The following DRC7 variants were observed in gnomAD, a reference collection of about 807,000 sequenced individuals.
The protein encoded by DRC7 is coiled-coil domain containing 135.
Under a neutral mutation model 104.4 loss-of-function variants are expected in DRC7, and 80 were observed. The observed-to-expected ratio is 0.77, with a 90% CI of 0.64 to 0.92. The LOEUF (loss-of-function observed/expected upper bound fraction) is 0.92. DRC7 is among the 40% of genes least tolerant of loss of function. The probability of loss-of-function intolerance (pLI) is 0.00; values close to 1 mark genes in which losing one functional copy is unlikely to be tolerated. For missense variants in DRC7, 1,034 were observed against 1,141.1 expected (o/e 0.91, Z 1.35); for synonymous variants, 405 against 447.3 (o/e 0.91, Z 1.19).
Position 57,724,757 on chromosome 16 carries a change from C to CT in DRC7, c.1681dup (p.Tyr561LeufsTer64), listed in dbSNP as rs762435252. The CT allele has an allele frequency of 6.2e-7, 1 of 1,613,896 alleles. No homozygotes were observed. Among genetic ancestry groups the CT allele is most frequent in the Non-Finnish European group, 8.5e-7 (1 of 1,180,030 alleles). On this transcript the variant is annotated frameshift_variant, in exon 13 of 19. Coordinates refer to ENST00000360716, the MANE Select transcript of DRC7 (RefSeq NM_001289162.2). LOFTEE classifies it high-confidence loss of function. Reference sequence around the variant, plus strand: ...ATCAAGGACGCCCAGACTTCCTCTCCTACCGCCATGCCAGCTTCGGACCCC... The same window carrying CT: ...ATCAAGGACGCCCAGACTTCCTCTCCTTACCGCCATGCCAGCTTCGGACCCC...
intron 3 of DRC7, among the ~76,000 whole-genome samples, chr16:57,698,590 T>A (rs1348225134): frequency 6.6e-6 from 1 of 152,102 alleles, no homozygotes; most frequent in African/African-American, 2.4e-5. Flanking sequence ...CTTGGGAGGC[T>A]GAGGTGGGAG....
Position 57,700,287 on chromosome 16 carries a change from G to A in DRC7, c.504+17G>A, listed in dbSNP as rs775099241. The A allele has an allele frequency of 6.2e-7, 1 of 1,608,962 alleles. No homozygotes were observed. The highest frequency in any genetic ancestry group is 8.5e-7 in the Non-Finnish European group (1 of 1,176,256). On this transcript the variant is annotated intron_variant, in intron 5 of 18. Transcript: ENST00000360716. ...CTCAAGCCGGTAAGCACCACTCACA[G>A]GCTGCATGCCTGAGCCCACCAGGAC...
In DRC7 at chr16:57,706,649, T is replaced by C. The variant is rs1386340729; in HGVS notation, c.859-811T>C. Among the ~76,000 whole-genome samples the C allele has an allele frequency of 3.6e-4, 21 of 58,446 alleles. 2 individuals are homozygous for C. Among genetic ancestry groups the C allele is most frequent in the South Asian group, 7.9e-4 (1 of 1,264 alleles). 38.3% of individuals were successfully genotyped at this position (58,446 alleles called of 152,430 possible). A position where few individuals can be genotyped will look rare whatever the true frequency, so the allele number is the denominator to read the frequency against. On this transcript the variant is annotated intron_variant, in intron 7 of 18. Coordinates refer to ENST00000360716, the MANE Select transcript of DRC7 (RefSeq NM_001289162.2). ...GTCCATCCTCCCATCCATTCTCCCA[T>C]CCATCCTCTCACCATCCTCCGATCC...
intron 7 of DRC7, among the ~76,000 whole-genome samples, chr16:57,707,232 G>A (rs1289589875): frequency 3.9e-5 from 6 of 152,178 alleles, no homozygotes; most frequent in African/African-American, 1.2e-4. Flanking sequence ...CAAAGAGTCC[G>A]ATTTGTAAAC....
chr16:57,731,151 C>T lies in DRC7; in HGVS notation c.2532-14C>T, dbSNP rs201535278. ...GTAACCCCTCACCCTCTTTCCTTGC[C>T]TCTCTGACTTCAGACACAAGGAACT... On this transcript the variant is annotated splice_polypyrimidine_tract_variant and intron_variant, in intron 18 of 18. Coordinates refer to ENST00000360716, the MANE Select transcript of DRC7 (RefSeq NM_001289162.2). The T allele has an allele frequency of 2.5e-6, 4 of 1,613,752 alleles. No homozygotes were observed. The East Asian group carries it at 8.9e-5, about 36-fold the overall frequency.
chr16:57,728,335 T>G, intron 16 of DRC7, 55 bp from the exon 17 acceptor site: 1 of 1,473,270 alleles, frequency 6.8e-7, no homozygotes. Context: ...GCAGAGCTGG[T>G]GGAGAGGTCT....
intron 17 of DRC7, among the ~76,000 whole-genome samples, chr16:57,728,804 A>AGGTGGGTGGGTGGGTG (rs1214940869): frequency 1.2e-4 from 2 of 16,938 alleles, no homozygotes; most frequent in African/African-American, 2.3e-4. Context: ...AGGTATGGAT[A>AGGTGGGTGGGTGGGTG]GGTGGGTGGG....
intron 6 of DRC7, among the ~76,000 whole-genome samples, chr16:57,703,310 C>G (rs116660575): frequency 0.021 from 3,181 of 151,082 alleles, 88 homozygotes; most frequent in African/African-American, 0.073. Context: ...GCTACAGACA[C>G]AAGAAATACT....
At chr16:57,718,565 G>A (rs2048869785) in intron 9 of DRC7, 90 bp downstream of exon 9, 1 of 1,493,544 alleles carries the variant, frequency 6.7e-7, no homozygotes, top group Non-Finnish European at 9.2e-7. Context: ...GTGTGGCAGT[G>A]GGGGATGGCC....
chr16:57,729,801 GATGA>G (rs2049032953), intron 17 of DRC7, among the ~76,000 whole-genome samples: 1 of 140,752 alleles, frequency 7.1e-6, no homozygotes, highest in Non-Finnish European at 1.5e-5. Context: ...TGGATGGATG[GATGA>G]GTGAGTAGGT....
At chr16:57,703,606 T>C (rs1037854241) in intron 6 of DRC7, among the ~76,000 whole-genome samples, 6 of 152,088 alleles carry the variant, frequency 3.9e-5, no homozygotes, top group Non-Finnish European at 8.8e-5. Context: ...AGAGCCTTGC[T>C]CTCTCAGGCC....
chr16:57,724,349 C>G (rs1369734950), intron 12 of DRC7, among the ~76,000 whole-genome samples: 2 of 149,848 alleles, frequency 1.3e-5, no homozygotes, highest in Admixed American at 6.7e-5. Flanking sequence ...TTGGGCCCAG[C>G]AATTCCACTG....
In DRC7 at chr16:57,722,666, C is replaced by A. The variant is rs75384408; in HGVS notation, c.1280-47C>A. On this transcript the variant is annotated intron_variant, in intron 10 of 18. Coordinates refer to ENST00000360716, the MANE Select transcript of DRC7 (RefSeq NM_001289162.2). ...AATGGCTGGGCGGGGCTGGCCCTCCCTTCCCCCAAACTAGCAAGAAGAGAC... is the reference window on the plus strand; with the variant it reads ...AATGGCTGGGCGGGGCTGGCCCTCCATTCCCCCAAACTAGCAAGAAGAGAC... 4,176 of 1,608,470 alleles carry A rather than the reference C, an allele frequency of 2.6e-3. 83 individuals carry two copies. In the African/African-American group the frequency reaches 0.046, roughly 18 times the overall value.
intron 8 of DRC7, among the ~76,000 whole-genome samples, chr16:57,716,911 G>T (rs1465070199): frequency 3.3e-5 from 5 of 152,052 alleles, no homozygotes; most frequent in Admixed American, 6.6e-5. Flanking sequence ...TTATTGAGGG[G>T]ACTGAGGACT....
At chr16:57,722,942 A>AG (rs1282244247) in intron 11 of DRC7, 60 bp from the exon 12 acceptor site, 45 of 1,612,766 alleles carry the variant, frequency 2.8e-5, no homozygotes, top group Non-Finnish European at 3.6e-5. Flanking sequence ...GCCTGGAATA[A>AG]GGGGGGTTGA....
Position 57,728,693 on chromosome 16 carries a change from C to T in DRC7, c.2391+109C>T, listed in dbSNP as rs1207604950. 5.8e-6 allele frequency: 5 copies of T among 864,750 alleles called. No homozygotes were observed. In the South Asian group the frequency reaches 6.1e-5, roughly 11 times the overall value. The allele number at this position is 864,750 out of a possible 1,614,324, so 53.6% of individuals were successfully genotyped here. On this transcript the variant is annotated intron_variant, in intron 17 of 18. Transcript: ENST00000360716. ...TCACAGGCTTGTGAGGGCCTGATGA[C>T]GGGATGAATATGTCAATGCTTGGGG...
chr16:57,700,808 C>T (rs1399599506), intron 5 of DRC7, among the ~76,000 whole-genome samples: 2 of 152,170 alleles, frequency 1.3e-5, no homozygotes, highest in African/African-American at 4.8e-5. Context: ...GCGCAGGTCC[C>T]TCCCCTGGTT....
intron 8 of DRC7, among the ~76,000 whole-genome samples, chr16:57,710,415 A>G (rs2048780634): frequency 6.6e-6 from 1 of 152,200 alleles, no homozygotes. Flanking sequence ...CTTTGCGTGG[A>G]TTCCATCAAT....
rs1224282495 is a variant in DRC7, at chr16:57,727,001, T to C, written c.2085+59T>C. Reference sequence around the variant, plus strand: ...GTATCTTTGTTTTTGAGATAGGGTCTCGCTCTATAACCCAGGCTGGAATGC... The same window carrying C: ...GTATCTTTGTTTTTGAGATAGGGTCCCGCTCTATAACCCAGGCTGGAATGC... On this transcript the variant is annotated intron_variant, in intron 15 of 18. Coordinates refer to ENST00000360716, the MANE Select transcript of DRC7 (RefSeq NM_001289162.2). 7.4e-6 allele frequency: 8 copies of C among 1,086,946 alleles called. No homozygotes were observed. In the African/African-American group the frequency reaches 1.2e-4, roughly 17 times the overall value. The allele number at this position is 1,086,946 out of a possible 1,614,324, so 67.3% of individuals were successfully genotyped here.
Sources: allele counts gnomAD v4.1 joint callset (sites outside exome capture counted in the v4.1 genomes callset), GRCh38; gene constraint gnomAD v4.1.1; transcripts MANE v1.5; gene names NCBI Gene and HGNC (gene_info 2026-07-23, HGNC 2026-07-21).